Variants in PROS1 observed in about 807,000 individuals in gnomAD.
PROS1 encodes the protein vitamin K-dependent protein S.
Under a neutral mutation model 75.9 loss-of-function variants are expected in PROS1, and 29 were observed. The observed-to-expected ratio is 0.38, with a 90% CI of 0.28 to 0.52. PROS1 has a LOEUF of 0.52. Among genes scored for constraint, PROS1 ranks in the 20% least tolerant of loss-of-function variants. PROS1 has a pLI of 0.83. For synonymous variants in PROS1, 245 were observed against 280.6 expected (o/e 0.87, Z 1.27); for missense variants, 680 against 810.3 (o/e 0.84, Z 1.95).
chr3:93,936,093 C>A (rs570129887), intron 1 of PROS1, among the ~76,000 whole-genome samples: 1 of 151,778 alleles, frequency 6.6e-6, no homozygotes, highest in South Asian at 2.1e-4. Flanking sequence ...CATCTCCCCC[C>A]CACACCCCTT....
chr3:93,894,067 T>C (rs1166623042), intron 9 of PROS1, among the ~76,000 whole-genome samples: 2 of 152,150 alleles, frequency 1.3e-5, no homozygotes, highest in Admixed American at 1.3e-4. Flanking sequence ...ACAATAGGTG[T>C]ATAACTATTA....
chr3:93,883,770 C>T (rs1168296141), intron 12 of PROS1, among the ~76,000 whole-genome samples: 8 of 151,716 alleles, frequency 5.3e-5, no homozygotes, highest in South Asian at 2.1e-4. Context: ...AGTTCAAAAC[C>T]AGCCTGGCCA....
chr3:93,928,747 C>T (rs1301649180), intron 1 of PROS1: 1 of 1,296,540 alleles, frequency 7.7e-7, no homozygotes. Context: ...CCGACCAATA[C>T]AGAAATGCAT....
chr3:93,899,406 C>T (rs1225732162), intron 7 of PROS1, among the ~76,000 whole-genome samples: 2 of 151,694 alleles, frequency 1.3e-5, no homozygotes, highest in Non-Finnish European at 2.9e-5. Context: ...AAAATAGATT[C>T]CCAAAATTAA....
At chr3:93,880,755 ATAT>A (rs1470270318) in intron 12 of PROS1, among the ~76,000 whole-genome samples, 1 of 152,240 alleles carries the variant, frequency 6.6e-6, no homozygotes, top group Non-Finnish European at 1.5e-5. Context: ...GTAACATTAA[ATAT>A]TAATTACAAA....
chr3:93,879,056 T>C (rs1708237325), intron 13 of PROS1, 107 bp downstream of exon 13: 1 of 1,137,306 alleles, frequency 8.8e-7, no homozygotes, highest in East Asian at 2.6e-5. Context: ...TTACATAAGT[T>C]ACTTTATTTA....
intron 4 of PROS1, among the ~76,000 whole-genome samples, chr3:93,909,335 T>C (rs1442928271): frequency 6.7e-6 from 1 of 149,732 alleles, no homozygotes; most frequent in Non-Finnish European, 1.5e-5. Context: ...CTCAGGCGGC[T>C]GAGGCAGGAG....
chr3:93,898,581 A>G lies in PROS1; in HGVS notation c.728-12T>C, dbSNP rs775011352. The G allele has an allele frequency of 2.5e-6, 4 of 1,611,792 alleles. No homozygotes were observed. Among genetic ancestry groups the G allele is most frequent in the East Asian group, 4.5e-5 (2 of 44,756 alleles). On this transcript the variant is annotated splice_polypyrimidine_tract_variant and intron_variant, in intron 7 of 14. Transcript: ENST00000394236. ...GCATTCATCTATATCTGAGGTAAAA[A>G]AAACACACGCACACAAACTTTAATA...
At chr3:93,896,737 C>G (rs776320829) in intron 8 of PROS1, 46 bp from the exon 9 acceptor site, 1 of 1,367,866 alleles carries the variant, frequency 7.3e-7, no homozygotes, top group South Asian at 1.2e-5. Flanking sequence ...TCAAAATGCA[C>G]AGGTTATTGC....
intron 12 of PROS1, among the ~76,000 whole-genome samples, chr3:93,880,061 T>C (rs531881246): frequency 6.6e-6 from 1 of 152,210 alleles, no homozygotes; most frequent in African/African-American, 2.4e-5. Context: ...CCTCATTTAA[T>C]ATGATGTAAC....
intron 9 of PROS1, 127 bp from the exon 10 acceptor site, chr3:93,893,249 GAATT>G: frequency 1.1e-6 from 1 of 908,736 alleles, no homozygotes; most frequent in East Asian, 2.6e-5. Context: ...TCTTTTTCTG[GAATT>G]AATAAAAGAG....
chr3:93,882,764 C>G (rs1404713029), intron 12 of PROS1, among the ~76,000 whole-genome samples: 1 of 152,112 alleles, frequency 6.6e-6, no homozygotes, highest in East Asian at 1.9e-4. Flanking sequence ...CAAGAGAAAA[C>G]AGAGTGCAGG....
intron 1 of PROS1, among the ~76,000 whole-genome samples, chr3:93,953,026 C>T (rs1709532200): frequency 6.6e-6 from 1 of 152,138 alleles, no homozygotes; most frequent in Non-Finnish European, 1.5e-5. Flanking sequence ...AAGACTACAT[C>T]AGGAAGAAGT....
At chr3:93,920,151 A>C (rs1392731244) in intron 3 of PROS1, among the ~76,000 whole-genome samples, 1 of 152,086 alleles carries the variant, frequency 6.6e-6, no homozygotes, top group Non-Finnish European at 1.5e-5. Context: ...TAACCCCAGC[A>C]CTTTGGGAAG....
rs373709319 is a variant in PROS1, at chr3:93,886,332, T to C, written c.1323+4A>G. 6.2e-6 allele frequency: 10 copies of C among 1,612,918 alleles called. No individual in the cohort carries two copies. Among genetic ancestry groups the C allele is most frequent in the Non-Finnish European group, 8.5e-6 (10 of 1,179,006 alleles). Reference sequence around the variant, plus strand: ...TGATGAATGATACAAGCTTGGATCATTACCGGTTTAATGAGTTCACTTTCC... The same window carrying C: ...TGATGAATGATACAAGCTTGGATCACTACCGGTTTAATGAGTTCACTTTCC... On this transcript the variant is annotated splice_donor_region_variant and intron_variant, in intron 11 of 14. Transcript: ENST00000394236.
intron 4 of PROS1, among the ~76,000 whole-genome samples, chr3:93,906,379 C>A (rs1708675813): frequency 6.6e-6 from 1 of 152,216 alleles, no homozygotes; most frequent in Non-Finnish European, 1.5e-5. Context: ...GTGGCCGCTG[C>A]CAAGACGCCA....
At chr3:93,928,019 T>TTC in intron 1 of PROS1, among the ~76,000 whole-genome samples, 1 of 86,792 alleles carries the variant, frequency 1.2e-5, no homozygotes, top group Non-Finnish European at 2.7e-5. Context: ...ATATTTTTTT[T>TTC]TTTTTTTTTT....
At position 93,927,335 on chromosome 3, in the gene PROS1, T is replaced by G. The variant is rs745579260; in HGVS notation, c.149A>C (p.Lys50Thr). Residue 50 changes from lysine (K) to threonine (T), a missense_variant, in exon 2 of 15, where the codon AAA becomes ACA. Transcript: ENST00000394236. Reference sequence around the variant, plus strand: ...GCATTCTCTTTCAAGATTACCCTGTTTGGTTTCTTCAAGTAAAGAATTTGC... The same window carrying G: ...GCATTCTCTTTCAAGATTACCCTGTGTGGTTTCTTCAAGTAAAGAATTTGC... ...RRANSLLEET[K>T]QGNLERECIE... The G allele has an allele frequency of 3.7e-6, 6 of 1,613,846 alleles. No individual in the cohort carries two copies. In the East Asian group the frequency reaches 8.9e-5, roughly 24 times the overall value.
At chr3:93,920,066 C>T (rs1708924342) in intron 3 of PROS1, among the ~76,000 whole-genome samples, 2 of 151,932 alleles carry the variant, frequency 1.3e-5, no homozygotes, top group South Asian at 4.1e-4. Flanking sequence ...CTGAGTTTCT[C>T]AAAAATATTT....
Sources: allele counts gnomAD v4.1 joint callset (sites outside exome capture counted in the v4.1 genomes callset), GRCh38; gene constraint gnomAD v4.1.1; transcripts MANE v1.5; gene names NCBI Gene and HGNC (gene_info 2026-07-23, HGNC 2026-07-21).